The following SLC35D2 variants were observed in gnomAD, a reference collection of about 807,000 sequenced individuals.
The protein encoded by SLC35D2 is solute carrier family 35 member D2.
Under a neutral mutation model 41.8 loss-of-function variants are expected in SLC35D2, and 43 were observed. The observed-to-expected ratio is 1.03, with a 90% CI of 0.81 to 1.33. SLC35D2 has a LOEUF of 1.33. Among genes scored for constraint, SLC35D2 ranks in the 40% most tolerant of loss-of-function variants. The pLI, the probability that SLC35D2 is intolerant of heterozygous loss-of-function variation, is 0.00. For missense variants in SLC35D2, 380 were observed against 408.4 expected, an observed-to-expected ratio of 0.93 and a Z score of 0.60; for synonymous variants, 150 against 163.9, an observed-to-expected ratio of 0.92 and a Z score of 0.65.
intron 1 of SLC35D2, among the ~76,000 whole-genome samples, chr9:96,375,974 A>C (rs1398514329): frequency 6.6e-6 from 1 of 152,012 alleles, no homozygotes. Context: ...CAGCCTGGCC[A>C]ATATGGTGAA....
chr9:96,361,761 A>G (rs1161938285), intron 3 of SLC35D2, among the ~76,000 whole-genome samples: 1 of 151,694 alleles, frequency 6.6e-6, no homozygotes, highest in East Asian at 1.9e-4. Flanking sequence ...GTGCACACAC[A>G]GAGGAAAGGC....
chr9:96,318,111 T>C (rs1210499158), downstream of SLC35D2, among the ~76,000 whole-genome samples: 1 of 108,022 alleles, frequency 9.3e-6, no homozygotes, highest in Non-Finnish European at 1.9e-5. Flanking sequence ...CTATTTGTGC[T>C]TGTAGACACA....
chr9:96,358,986 A>G (rs1830153604), intron 4 of SLC35D2, among the ~76,000 whole-genome samples: 1 of 151,740 alleles, frequency 6.6e-6, no homozygotes. Flanking sequence ...ATCTCAAAAA[A>G]AAGATAAGAT....
At chr9:96,320,257 T>C (rs1019455693), downstream of SLC35D2, among the ~76,000 whole-genome samples, 5 of 152,192 alleles carry the variant, frequency 3.3e-5, no homozygotes, top group African/African-American at 1.2e-4. Context: ...CTCACGCCTG[T>C]GATCCCAGCA....
At chr9:96,338,998 A>C (rs937520643) in intron 8 of SLC35D2, among the ~76,000 whole-genome samples, 4 of 152,226 alleles carry the variant, frequency 2.6e-5, no homozygotes, top group African/African-American at 9.6e-5. Context: ...ATATCAATCA[A>C]TCCATTAATA....
intron 9 of SLC35D2, among the ~76,000 whole-genome samples, chr9:96,333,773 T>A (rs993990467): frequency 2.0e-5 from 3 of 152,002 alleles, no homozygotes; most frequent in African/African-American, 7.3e-5. Flanking sequence ...AACGGTGAAG[T>A]GCATGTTAAA....
downstream of SLC35D2, among the ~76,000 whole-genome samples, chr9:96,319,777 G>C (rs1828145147): frequency 6.6e-6 from 1 of 152,200 alleles, no homozygotes; most frequent in Admixed American, 6.6e-5. Flanking sequence ...TGGGATTACA[G>C]GCGTGAACCG....
intron 6 of SLC35D2, among the ~76,000 whole-genome samples, chr9:96,349,602 T>G (rs1163210319): frequency 1.3e-5 from 2 of 152,080 alleles, no homozygotes. Context: ...CTCAGCTCAC[T>G]ACAACCTCCA....
chr9:96,359,059 C>T (rs1054390321), intron 4 of SLC35D2, among the ~76,000 whole-genome samples: 1 of 152,030 alleles, frequency 6.6e-6, no homozygotes, highest in Non-Finnish European at 1.5e-5. Context: ...AATCCCAGCA[C>T]TTTGAGAGGC....
chr9:96,357,907 C>T (rs1830093311), intron 4 of SLC35D2, among the ~76,000 whole-genome samples: 1 of 151,590 alleles, frequency 6.6e-6, no homozygotes, highest in African/African-American at 2.4e-5. Context: ...GGCGTGGTGG[C>T]ACACACCTGT....
At chr9:96,317,958 C>T (rs568223590), downstream of SLC35D2, among the ~76,000 whole-genome samples, 96 of 150,548 alleles carry the variant, frequency 6.4e-4, no homozygotes, top group African/African-American at 2.3e-3. Flanking sequence ...ATCACTTGAA[C>T]CTAGGAGTTC....
chr9:96,328,250 T>TA (rs869152363), intron 9 of SLC35D2, among the ~76,000 whole-genome samples: 2 of 20,286 alleles, frequency 9.9e-5, no homozygotes, highest in Non-Finnish European at 1.6e-4. Flanking sequence ...CCATTCTATA[T>TA]TTTTTAGATA....
chr9:96,334,507 G>A (rs1030467721), intron 9 of SLC35D2, among the ~76,000 whole-genome samples: 1 of 151,996 alleles, frequency 6.6e-6, no homozygotes, highest in Non-Finnish European at 1.5e-5. Context: ...GTGTGGTGGT[G>A]GGCAACTGTA....
At chr9:96,345,039 A>T (rs1829514037) in intron 7 of SLC35D2, among the ~76,000 whole-genome samples, 1 of 152,192 alleles carries the variant, frequency 6.6e-6, no homozygotes, top group Non-Finnish European at 1.5e-5. Flanking sequence ...TGGTAAAAAA[A>T]TTAATTTGCC....
chr9:96,337,796 A>C (rs540057709), intron 8 of SLC35D2, among the ~76,000 whole-genome samples: 2 of 151,812 alleles, frequency 1.3e-5, no homozygotes, highest in African/African-American at 4.8e-5. Flanking sequence ...AGCCTGGCCA[A>C]CATGGTGAAA....
exon 12 of SLC35D2, among the ~76,000 whole-genome samples, chr9:96,313,478 A>G (rs945790190): frequency 1.3e-4 from 20 of 152,216 alleles, no homozygotes; most frequent in African/African-American, 4.8e-4. Flanking sequence ...GCTTCATTAC[A>G]TAAACTTCAC....
At chr9:96,381,715 T>G (rs1831206311) in intron 1 of SLC35D2, among the ~76,000 whole-genome samples, 1 of 152,172 alleles carries the variant, frequency 6.6e-6, no homozygotes, top group Non-Finnish European at 1.5e-5. Context: ...CACTTCTCTT[T>G]CCCAAGAACG....
At chr9:96,358,078 T>TAA (rs1491320526) in intron 4 of SLC35D2, among the ~76,000 whole-genome samples, 3,058 of 78,908 alleles carry the variant, frequency 0.039, 70 homozygotes, top group Middle Eastern at 0.097. Context: ...ATATTATATA[T>TAA]TTTATATATA....
chr9:96,374,141 T>C (rs979034333), intron 1 of SLC35D2: 1 of 152,174 alleles, frequency 6.6e-6, no homozygotes, highest in Non-Finnish European at 1.5e-5. Flanking sequence ...TAAAATTAAA[T>C]AATTAAATCA....
Sources: allele counts gnomAD v4.1 joint callset (sites outside exome capture counted in the v4.1 genomes callset), GRCh38; gene constraint gnomAD v4.1.1; transcripts MANE v1.5; gene names NCBI Gene and HGNC (gene_info 2026-07-23, HGNC 2026-07-21).